SHANK2: variants seen among roughly 807,000 people sequenced by gnomAD.
The protein encoded by SHANK2 is SH3 and multiple ankyrin repeat domains protein 2.
SHANK2 carries 43 observed loss-of-function variants against 133.7 expected under a neutral mutation model. The observed-to-expected ratio is 0.32, with a 90% CI of 0.25 to 0.41. The LOEUF is 0.41. SHANK2 is among the 10% of genes least tolerant of loss of function. The probability of loss-of-function intolerance (pLI) is 1.00; values close to 1 mark genes in which losing one functional copy is unlikely to be tolerated. For synonymous variants in SHANK2, 1,017 were observed against 952.8 expected, an observed-to-expected ratio of 1.07 and a Z score of -1.24; for missense variants, 1,994 against 2,235.8, an observed-to-expected ratio of 0.89 and a Z score of 2.18.
chr11:70,825,517 C>T (rs138635694), intron 11 of SHANK2, among the ~76,000 whole-genome samples: 5 of 152,186 alleles, frequency 3.3e-5, no homozygotes, highest in African/African-American at 9.7e-5. Context: ...CTGTAGACCA[C>T]GCAAGTTACT....
intron 10 of SHANK2, among the ~76,000 whole-genome samples, chr11:70,943,731 A>G (rs1230829120): frequency 6.6e-6 from 1 of 152,168 alleles, no homozygotes; most frequent in Non-Finnish European, 1.5e-5. Flanking sequence ...CTCTAAACAA[A>G]TGAAATTTAA....
At chr11:70,871,954 T>C (rs1403852049) in intron 11 of SHANK2, among the ~76,000 whole-genome samples, 1 of 152,206 alleles carries the variant, frequency 6.6e-6, no homozygotes, top group African/African-American at 2.4e-5. Context: ...ATTCTTGGAT[T>C]AAGAACTCTT....
intron 17 of SHANK2, among the ~76,000 whole-genome samples, chr11:70,656,878 G>T (rs1393079946): frequency 2.0e-5 from 3 of 152,164 alleles, no homozygotes; most frequent in African/African-American, 7.2e-5. Flanking sequence ...CAAAAGCTTA[G>T]GTAGGAGAGA....
rs782782248 is a variant in SHANK2, at chr11:70,492,387, G to T, written c.2387C>A (p.Thr796Asn). 6.2e-7 allele frequency: 1 copy of T among 1,613,444 alleles called. No individual in the cohort carries two copies. The highest frequency in any genetic ancestry group is 8.5e-7 in the Non-Finnish European group (1 of 1,180,040). ...CCGGCTGCTGGGCCGCTGCTTGATGGTCGCCACCCTCGGTTCCACAGCCAT... is the reference window on the plus strand; with the variant it reads ...CCGGCTGCTGGGCCGCTGCTTGATGTTCGCCACCCTCGGTTCCACAGCCAT... Reference protein sequence around the residue: ...ENMAVEPRVATIKQRPSSRCF... With the variant: ...ENMAVEPRVANIKQRPSSRCF... The change falls in exon 22 of 26, where the codon ACC becomes AAC. Residue 796 changes from threonine to asparagine, a missense_variant. By Grantham distance (65) the Thr-to-Asn change is moderately conservative (BLOSUM62 0). Coordinates refer to ENST00000601538, the MANE Select transcript of SHANK2 (RefSeq NM_012309.5).
At chr11:71,131,451 GAAC>G (rs1952305588) in intron 3 of SHANK2, among the ~76,000 whole-genome samples, 1 of 152,204 alleles carries the variant, frequency 6.6e-6, no homozygotes, top group Non-Finnish European at 1.5e-5. Context: ...TTTCCAATCA[GAAC>G]ATTTTTCGCA....
At chr11:71,152,444 G>A (rs1480942343) in intron 2 of SHANK2, among the ~76,000 whole-genome samples, 1 of 152,152 alleles carries the variant, frequency 6.6e-6, no homozygotes, top group Non-Finnish European at 1.5e-5. Flanking sequence ...GGATTACTTT[G>A]CAGGCCACAT....
chr11:70,917,438 GAC>G (rs1950285657), intron 10 of SHANK2, among the ~76,000 whole-genome samples: 1 of 152,230 alleles, frequency 6.6e-6, no homozygotes, highest in Non-Finnish European at 1.5e-5. Context: ...CATTGTGAAA[GAC>G]AGTGTGGAGA....
intron 14 of SHANK2, among the ~76,000 whole-genome samples, chr11:70,767,362 AG>A (rs1165585487): frequency 6.6e-6 from 1 of 152,238 alleles, no homozygotes; most frequent in Non-Finnish European, 1.5e-5. Context: ...CACACCCAAA[AG>A]AAAAAGAAGG....
intron 14 of SHANK2, among the ~76,000 whole-genome samples, chr11:70,788,855 G>A (rs188609768): frequency 2.2e-4 from 34 of 152,288 alleles, no homozygotes; most frequent in African/African-American, 8.2e-4. Context: ...GAGGAGCAAC[G>A]CACTGCTCTC....
At chr11:70,563,639 A>G (rs1450854932) in intron 17 of SHANK2, among the ~76,000 whole-genome samples, 1 of 150,888 alleles carries the variant, frequency 6.6e-6, no homozygotes, top group Admixed American at 6.6e-5. Context: ...CCTGGATTCA[A>G]GTGATTCTCC....
chr11:70,815,173 GAAAC>G (rs1948363192), intron 12 of SHANK2, among the ~76,000 whole-genome samples: 7 of 118,052 alleles, frequency 5.9e-5, no homozygotes, highest in African/African-American at 2.3e-4. Context: ...GATGGGAGAA[GAAAC>G]ACACACACAC....
At chr11:71,109,757 T>C (rs955510498) in intron 6 of SHANK2, among the ~76,000 whole-genome samples, 184 bp downstream of exon 6, 3 of 152,246 alleles carry the variant, frequency 2.0e-5, no homozygotes, top group Non-Finnish European at 4.4e-5. Context: ...GGATGCCCCA[T>C]GGACAAGGCG....
intron 14 of SHANK2, among the ~76,000 whole-genome samples, chr11:70,771,162 G>A (rs997934339): frequency 1.3e-5 from 2 of 152,080 alleles, no homozygotes; most frequent in Admixed American, 6.5e-5. Context: ...CCTGAGCTCA[G>A]GTGATCTACC....
intron 17 of SHANK2, among the ~76,000 whole-genome samples, chr11:70,599,848 C>A (rs1028218841): frequency 1.3e-4 from 7 of 55,252 alleles, no homozygotes; most frequent in African/African-American, 3.8e-4. Flanking sequence ...AAGGAGAGAA[C>A]GAAAGAAAGA....
intron 17 of SHANK2, among the ~76,000 whole-genome samples, chr11:70,584,722 C>T (rs531690107): frequency 9.2e-5 from 14 of 152,344 alleles, no homozygotes; most frequent in Non-Finnish European, 1.6e-4. Flanking sequence ...CTGAATGGCC[C>T]CCAAGGCATG....
chr11:71,189,220 TC>T (rs1387339278), intron 2 of SHANK2, among the ~76,000 whole-genome samples: 1 of 152,188 alleles, frequency 6.6e-6, no homozygotes, highest in African/African-American at 2.4e-5. Flanking sequence ...GGTGTGTGAT[TC>T]CCCCAGGGGC....
At chr11:70,781,746 C>T (rs1947501842) in intron 14 of SHANK2, among the ~76,000 whole-genome samples, 1 of 85,240 alleles carries the variant, frequency 1.2e-5, no homozygotes, top group Non-Finnish European at 2.2e-5. Flanking sequence ...CCCCCCACCC[C>T]ACAACAGGCC....
Position 71,175,908 on chromosome 11 carries a change from T to C in SHANK2, c.-12-28570A>G, listed in dbSNP as rs1417913162. 2.0e-5 allele frequency among the ~76,000 whole-genome samples: 3 copies of C among 152,042 alleles called. No homozygotes were observed. The highest frequency in any genetic ancestry group is 4.8e-5 in the African/African-American group (2 of 41,388). On this transcript the variant is annotated intron_variant, in intron 2 of 25. Coordinates refer to ENST00000601538, the MANE Select transcript of SHANK2 (RefSeq NM_012309.5). This position sits in a 1 kb window ranked among gnomAD's most constrained non-coding sequence, Gnocchi z 4.2. The stretch of plus-strand genomic sequence containing the variant: ...ACAGGAAGGCCAAGGTAGCTCCAGT[T>C]TGTGGGACAAAACCAGGAGGAGAGA...
intron 14 of SHANK2, among the ~76,000 whole-genome samples, chr11:70,793,446 T>C (rs1555048476): frequency 6.6e-6 from 1 of 152,212 alleles, no homozygotes; most frequent in African/African-American, 2.4e-5. Flanking sequence ...GTTTGCAGCA[T>C]ATATTTGACA....
Sources: allele counts gnomAD v4.1 joint callset (sites outside exome capture counted in the v4.1 genomes callset), GRCh38; gene constraint gnomAD v4.1.1; non-coding constraint Gnocchi (gnomAD v3.1); transcripts MANE v1.5; gene names NCBI Gene and HGNC (gene_info 2026-07-23, HGNC 2026-07-21).